Variants in NCF2 observed in about 807,000 individuals in gnomAD.
The protein encoded by NCF2 is neutrophil cytosolic factor 2, also known as neutrophil cytosol factor 2.
NCF2 carries 45 observed loss-of-function variants against 70.9 expected under a neutral mutation model. That is an observed-to-expected ratio of 0.63 (90% CI 0.50 to 0.81). The LOEUF is 0.81. NCF2 is among the 40% of genes least tolerant of loss of function. The probability of loss-of-function intolerance (pLI) is 0.00; values close to 1 mark genes in which losing one functional copy is unlikely to be tolerated. For missense variants in NCF2, 522 were observed against 631.6 expected, an observed-to-expected ratio of 0.83 and a Z score of 1.86; for synonymous variants, 203 against 233.6, an observed-to-expected ratio of 0.87 and a Z score of 1.19.
chr1:183,574,455 C>T (rs758100314), intron 4 of NCF2, 32 bp downstream of exon 4: 105 of 1,614,024 alleles, frequency 6.5e-5, no homozygotes, highest in Non-Finnish European at 8.4e-5. Context: ...CCAGTGACAT[C>T]CTCTCAACAC....
intron 10 of NCF2, 97 bp from the exon 11 acceptor site, chr1:183,564,127 G>T (rs1050794975): frequency 8.4e-7 from 1 of 1,189,908 alleles, no homozygotes; most frequent in Admixed American, 1.7e-5. Flanking sequence ...TTCAAATAGG[G>T]CCCCCAACCT....
In NCF2 at chr1:183,556,139, T is replaced by C; in HGVS notation, c.1560A>G (p.Glu520=). 1 of 1,614,198 alleles carries C rather than the reference T, an allele frequency of 6.2e-7. No individual in the cohort carries two copies. Among genetic ancestry groups the C allele is most frequent in the Admixed American group, 1.7e-5 (1 of 60,030 alleles). ...CATCCTAGACTTCTCTCCGAGTGCT[T>C]TCCAAATCTGTAGTTGCGCAGTCTT... ...FVEDCATTDL[E]STRREV is the part of the protein sequence containing the mutation. The change falls in exon 15 of 15, where the codon GAA becomes GAG. Residue 520 remains glutamate (E), a synonymous_variant. Transcript: ENST00000367535.
At chr1:183,579,747 A>AAAG (rs925695887) in intron 2 of NCF2, among the ~76,000 whole-genome samples, 1 of 127,352 alleles carries the variant, frequency 7.9e-6, no homozygotes, top group African/African-American at 3.3e-5. Flanking sequence ...TCAAAAAAAA[A>AAAG]AAAAAAAAAA....
intron 2 of NCF2, among the ~76,000 whole-genome samples, chr1:183,582,994 A>G (rs186861350): frequency 7.3e-4 from 111 of 152,214 alleles, no homozygotes; most frequent in Non-Finnish European, 1.1e-3. Context: ...ATAGAGGGGG[A>G]AAAACCTCCA....
intron 14 of NCF2, among the ~76,000 whole-genome samples, chr1:183,559,866 AAAAC>A (rs1418082709): frequency 6.6e-6 from 1 of 152,174 alleles, no homozygotes; most frequent in African/African-American, 2.4e-5. Flanking sequence ...CTCAAAAACA[AAAAC>A]AAAAACAAAA....
At chr1:183,575,341 G>GCA (rs1249233779) in intron 3 of NCF2, among the ~76,000 whole-genome samples, 2 of 152,306 alleles carry the variant, frequency 1.3e-5, no homozygotes, top group Admixed American at 6.5e-5. Flanking sequence ...ATGGTGGCAG[G>GCA]CACCTGTAAT....
At chr1:183,577,876 A>C (rs1672869515) in intron 2 of NCF2, among the ~76,000 whole-genome samples, 169 bp from the exon 3 acceptor site, 1 of 152,164 alleles carries the variant, frequency 6.6e-6, no homozygotes, top group African/African-American at 2.4e-5. Context: ...AGTATTCTAT[A>C]CAACTCCTTG....
At chr1:183,557,376 G>A (rs944212685) in intron 14 of NCF2, among the ~76,000 whole-genome samples, 8 of 152,180 alleles carry the variant, frequency 5.3e-5, no homozygotes, top group African/African-American at 1.9e-4. Context: ...AATTCTAACT[G>A]CAAATCACTG....
intron 2 of NCF2, among the ~76,000 whole-genome samples, chr1:183,583,249 T>G (rs1673194863): frequency 6.6e-6 from 1 of 152,206 alleles, no homozygotes. Flanking sequence ...AGACAAGGTT[T>G]CGCCATGTTG....
intron 11 of NCF2, 194 bp downstream of exon 11, chr1:183,563,811 G>C: frequency 1.2e-6 from 1 of 820,038 alleles, no homozygotes; most frequent in Non-Finnish European, 2.0e-6. Context: ...CACTAGCTTG[G>C]GTAGTAGGAA....
rs886045653 is a variant in NCF2, at chr1:183,560,228, C to A, written c.1336G>T (p.Asp446Tyr). 2.5e-6 allele frequency: 4 copies of A among 1,614,082 alleles called. No homozygotes were observed. The highest frequency in any genetic ancestry group is 3.3e-5 in the Admixed American group (2 of 59,994). Residue 446 changes from aspartate to tyrosine, a missense_variant, in exon 14 of 15, where the codon GAT (aspartate) becomes TAT (tyrosine). Transcript: ENST00000367535. ...GGTTCTGTTGTCTGGTTATTAGCAT[C>A]AGCTTTTTCACTTTCCTTGGGTTCA... ...PDEPKESEKA[D>Y]ANNQTTEPQL...
chr1:183,569,237 G>A (rs767530948), intron 6 of NCF2, 52 bp from the exon 7 acceptor site: 1 of 1,534,274 alleles, frequency 6.5e-7, no homozygotes, highest in South Asian at 1.1e-5. Context: ...AGGGAAAGCA[G>A]GGGAGAGACA....
chr1:183,592,025 T>A (rs1229800308), upstream of NCF2, among the ~76,000 whole-genome samples: 1 of 152,188 alleles, frequency 6.6e-6, no homozygotes, highest in Non-Finnish European at 1.5e-5. Context: ...CCCAGAGGAA[T>A]AACTGGGGGT....
chr1:183,585,158 G>T (rs1673284759), intron 2 of NCF2, among the ~76,000 whole-genome samples: 1 of 152,090 alleles, frequency 6.6e-6, no homozygotes, highest in Non-Finnish European at 1.5e-5. Flanking sequence ...GGGTTTTACA[G>T]GCTCTGTTTC....
intron 2 of NCF2, among the ~76,000 whole-genome samples, chr1:183,578,076 C>A (rs1558101415): frequency 6.6e-6 from 1 of 152,240 alleles, no homozygotes; most frequent in Non-Finnish European, 1.5e-5. Context: ...TGCCCCCTGC[C>A]TGTGTCCCTG....
intron 2 of NCF2, among the ~76,000 whole-genome samples, chr1:183,585,490 TGGCG>T (rs1673302294): frequency 6.6e-6 from 1 of 151,986 alleles, no homozygotes; most frequent in South Asian, 2.1e-4. Flanking sequence ...CTGGACGTAG[TGGCG>T]GGCACCTGTA....
chr1:183,577,488 A>G, intron 3 of NCF2, 111 bp downstream of exon 3: 1 of 859,802 alleles, frequency 1.2e-6, no homozygotes, highest in Non-Finnish European at 2.0e-6. Flanking sequence ...AGGAGGCAAA[A>G]TGGCTTTTCC....
chr1:183,563,878 TA>T, intron 11 of NCF2, 126 bp downstream of exon 11: 1 of 1,100,816 alleles, frequency 9.1e-7, no homozygotes, highest in Non-Finnish European at 1.4e-6. Flanking sequence ...ATGGACTCTG[TA>T]AGGTAGCAAC....
intron 7 of NCF2, 198 bp from the exon 8 acceptor site, chr1:183,567,543 C>A: frequency 1.3e-6 from 1 of 750,678 alleles, no homozygotes; most frequent in South Asian, 1.4e-5. Context: ...TGCTCATAAC[C>A]ATATATGCAG....
Sources: allele counts gnomAD v4.1 joint callset (sites outside exome capture counted in the v4.1 genomes callset), GRCh38; gene constraint gnomAD v4.1.1; transcripts MANE v1.5; gene names NCBI Gene and HGNC (gene_info 2026-07-23, HGNC 2026-07-21).